Variants in KLF8 observed in about 807,000 individuals in gnomAD.
The protein encoded by KLF8 is KLF transcription factor 8.
A neutral mutation model predicts 18.2 loss-of-function variants in KLF8; 10 were observed. The observed-to-expected ratio is 0.55, with a 90% confidence interval of 0.34 to 0.93. KLF8 has a LOEUF of 0.93. KLF8 is among the 40% of genes least tolerant of loss of function. The pLI, the probability that KLF8 is intolerant of heterozygous loss-of-function variation, is 0.02. For missense variants in KLF8, 264 were observed against 277.9 expected (o/e 0.95, Z 0.36); for synonymous variants, 109 against 97.3 (o/e 1.12, Z -0.71).
the KLF8 span, among the ~76,000 whole-genome samples, chrX:56,039,138 AG>A: frequency 1.8e-5 from 2 of 112,087 alleles, no homozygotes; most frequent in Admixed American, 1.9e-4. Flanking sequence ...CATTGCAAAA[AG>A]TTTCTACCAT....
the KLF8 span, among the ~76,000 whole-genome samples, chrX:56,150,269 T>C: frequency 9.0e-6 from 1 of 111,705 alleles, no homozygotes; most frequent in Non-Finnish European, 1.9e-5. Context: ...TCAGATGAAG[T>C]TCATAATAGA....
the KLF8 span, among the ~76,000 whole-genome samples, chrX:56,103,352 G>A: frequency 9.0e-6 from 1 of 111,652 alleles, no homozygotes. Flanking sequence ...AGCATGGAAT[G>A]TTCTTCCATT....
intron 1 of KLF8, among the ~76,000 whole-genome samples, chrX:56,238,424 G>A (rs933959508): frequency 7.2e-5 from 8 of 110,688 alleles, no homozygotes; most frequent in Non-Finnish European, 1.1e-4. Context: ...GCAGTGAGCC[G>A]AGATCACACC....
chrX:55,909,233 G>A, the KLF8 span, among the ~76,000 whole-genome samples: 1 of 112,326 alleles, frequency 8.9e-6, no homozygotes, highest in Non-Finnish European at 1.9e-5. Flanking sequence ...TATGTTGGAA[G>A]GAATTTGTGT....
At chrX:56,200,630 C>A in the KLF8 span, among the ~76,000 whole-genome samples, 2 of 109,387 alleles carry the variant, frequency 1.8e-5, no homozygotes, top group Non-Finnish European at 3.8e-5. Flanking sequence ...AACTAGAAAA[C>A]CTCTGAGCAG....
At position 56,290,230 on chromosome X, in the gene KLF8, T is replaced by A. The variant is rs2067308972; in HGVS notation, c.*5736T>A. On this transcript the variant is annotated 3_prime_UTR_variant, in exon 6 of 6. Coordinates refer to ENST00000468660, the MANE Select transcript of KLF8 (RefSeq NM_007250.5). ...AATTAATCCATTTGCAAAATGGGGA[T>A]CTCAATATCTACCTCACAGGAATGT... Among the ~76,000 whole-genome samples, 1 of 111,793 alleles carries A rather than the reference T, an allele frequency of 8.9e-6. No individual in the cohort carries two copies. The highest frequency in any genetic ancestry group is 9.5e-5 in the Admixed American group (1 of 10,523).
the KLF8 span, among the ~76,000 whole-genome samples, chrX:56,023,904 G>A: frequency 9.0e-6 from 1 of 111,425 alleles, no homozygotes; most frequent in Non-Finnish European, 1.9e-5. Flanking sequence ...TATTTAGGTT[G>A]TTTCTAGTAT....
the KLF8 span, among the ~76,000 whole-genome samples, chrX:56,084,745 G>A: frequency 8.9e-6 from 1 of 112,284 alleles, no homozygotes. Flanking sequence ...CAAATTCTCT[G>A]TAGTGAAATA....
chrX:56,197,816 G>T, the KLF8 span, among the ~76,000 whole-genome samples: 1 of 111,904 alleles, frequency 8.9e-6, no homozygotes, highest in Non-Finnish European at 1.9e-5. Flanking sequence ...TATCCCTGAT[G>T]AACATCGATG....
the KLF8 span, among the ~76,000 whole-genome samples, chrX:55,958,209 G>A: frequency 8.9e-6 from 1 of 111,898 alleles, no homozygotes; most frequent in Non-Finnish European, 1.9e-5. Context: ...AGTATGAATA[G>A]AAGAAACGTT....
chrX:55,967,854 C>T, the KLF8 span, among the ~76,000 whole-genome samples: 1 of 111,100 alleles, frequency 9.0e-6, no homozygotes, highest in Non-Finnish European at 1.9e-5. Flanking sequence ...GGAAACAAAC[C>T]CACAAATTTT....
the KLF8 span, among the ~76,000 whole-genome samples, chrX:56,222,911 C>T: frequency 8.9e-6 from 1 of 112,993 alleles, no homozygotes; most frequent in East Asian, 2.8e-4. Flanking sequence ...CGTGTGCAGT[C>T]CCGGTTCCCG....
At chrX:56,058,291 T>TATACATATATATAC in the KLF8 span, among the ~76,000 whole-genome samples, 6 of 21,119 alleles carry the variant, frequency 2.8e-4, no homozygotes, top group Non-Finnish European at 6.2e-4. Context: ...TATATATATA[T>TATACATATATATAC]ATATATATAT....
the KLF8 span, among the ~76,000 whole-genome samples, chrX:55,919,503 C>T: frequency 5.4e-5 from 6 of 111,712 alleles, no homozygotes; most frequent in African/African-American, 9.8e-5. Context: ...CCGGCTGCCT[C>T]GAAATAGACT....
At chrX:56,139,854 G>A in the KLF8 span, among the ~76,000 whole-genome samples, 5 of 111,180 alleles carry the variant, frequency 4.5e-5, no homozygotes, top group East Asian at 8.5e-4. Context: ...TACAAAATGG[G>A]AGAATACATT....
intron 5 of KLF8, among the ~76,000 whole-genome samples, chrX:56,271,238 C>T (rs770089408): frequency 9.0e-6 from 1 of 110,716 alleles, no homozygotes; most frequent in Non-Finnish European, 1.9e-5. Context: ...GAAATCAATC[C>T]CCCATGGATA....
chrX:56,097,157 A>G, the KLF8 span, among the ~76,000 whole-genome samples: 1 of 111,471 alleles, frequency 9.0e-6, no homozygotes, highest in Non-Finnish European at 1.9e-5. Context: ...AGTATTCAAA[A>G]ATCAATAAAT....
the KLF8 span, among the ~76,000 whole-genome samples, chrX:56,219,200 T>C: frequency 8.9e-6 from 1 of 112,421 alleles, no homozygotes; most frequent in African/African-American, 3.2e-5. Context: ...TTCAATGTTG[T>C]GATTTGGCAA....
the KLF8 span, among the ~76,000 whole-genome samples, chrX:56,074,305 A>G: frequency 9.0e-6 from 1 of 111,448 alleles, no homozygotes; most frequent in Non-Finnish European, 1.9e-5. Flanking sequence ...TCCCACTTTT[A>G]TATTTTTTTC....
Sources: allele counts gnomAD v4.1 joint callset (sites outside exome capture counted in the v4.1 genomes callset), GRCh38; gene constraint gnomAD v4.1.1; transcripts MANE v1.5; gene names NCBI Gene and HGNC (gene_info 2026-07-23, HGNC 2026-07-21).